LIMCH1: variants seen among roughly 807,000 people sequenced by gnomAD.
LIMCH1 encodes LIM and calponin homology domains-containing protein 1.
A neutral mutation model predicts 176.5 loss-of-function variants in LIMCH1; 113 were observed. The observed-to-expected ratio is 0.64, with a 90% CI of 0.55 to 0.75. The LOEUF (loss-of-function observed/expected upper bound fraction) is 0.75. LIMCH1 is among the 30% of genes least tolerant of loss of function. LIMCH1 has a pLI of 0.00. For synonymous variants in LIMCH1, 619 were observed against 645.9 expected (o/e 0.96, Z 0.63); for missense variants, 1,674 against 1,814.9 (o/e 0.92, Z 1.41).
chr4:41,463,759 A>G (rs1404998999), intron 1 of LIMCH1, among the ~76,000 whole-genome samples: 1 of 151,830 alleles, frequency 6.6e-6, no homozygotes, highest in Non-Finnish European at 1.5e-5. Flanking sequence ...TTGTGTTTTT[A>G]GTAGACATGG....
chr4:41,515,986 A>C (rs1012364874), intron 2 of LIMCH1, among the ~76,000 whole-genome samples: 7 of 152,252 alleles, frequency 4.6e-5, no homozygotes, highest in African/African-American at 1.2e-4. Flanking sequence ...ACAATCATTT[A>C]AACATAATTA....
chr4:41,622,539 A>C (rs760240828), intron 7 of LIMCH1, among the ~76,000 whole-genome samples: 11 of 152,178 alleles, frequency 7.2e-5, no homozygotes, highest in Non-Finnish European at 5.9e-5. Flanking sequence ...GCATTAAGCT[A>C]ATTCAGCACA....
intron 2 of LIMCH1, 124 bp downstream of exon 2, chr4:41,599,150 G>T: frequency 5.0e-6 from 3 of 599,484 alleles, no homozygotes; most frequent in South Asian, 2.3e-5. Context: ...AAAATGTGAA[G>T]GTAAAAATCA....
chr4:41,644,404 C>T, intron 14 of LIMCH1, 96 bp from the exon 15 acceptor site: 1 of 1,383,480 alleles, frequency 7.2e-7, no homozygotes. Flanking sequence ...GTTTTCCAAG[C>T]CCGGTAGCGC....
At chr4:41,412,515 G>A (rs923055932) in intron 1 of LIMCH1, among the ~76,000 whole-genome samples, 5 of 152,056 alleles carry the variant, frequency 3.3e-5, no homozygotes, top group Admixed American at 1.3e-4. Flanking sequence ...AAACTAAAAC[G>A]TTAATATTTA....
chr4:41,592,969 A>G (rs2087929932), intron 1 of LIMCH1, among the ~76,000 whole-genome samples: 1 of 152,244 alleles, frequency 6.6e-6, no homozygotes, highest in African/African-American at 2.4e-5. Flanking sequence ...AGATACCTAG[A>G]AGAGTACGTA....
At chr4:41,677,728 G>A (rs1712045545) in intron 23 of LIMCH1, among the ~76,000 whole-genome samples, 1 of 152,094 alleles carries the variant, frequency 6.6e-6, no homozygotes, top group African/African-American at 2.4e-5. Flanking sequence ...TAAGTTAATT[G>A]CCCAAGGTTA....
rs374705572 is a variant in LIMCH1, at chr4:41,689,655, C to G, written c.4275+20C>G. ...TTCAGGGTACGTACTTACTGCTTTG[C>G]TCTCCAGACACAACTTCATGATGTC... On this transcript the variant is annotated intron_variant, in intron 30 of 31. Transcript: ENST00000503057. The G allele has an allele frequency of 5.0e-6, 7 of 1,404,472 alleles. No individual in the cohort carries two copies. The highest frequency in any genetic ancestry group is 3.4e-5 in the Admixed American group (2 of 59,558). 87.0% of individuals were successfully genotyped at this position (1,404,472 alleles called of 1,614,324 possible). A position where few individuals can be genotyped will look rare whatever the true frequency, so the allele number is the denominator to read the frequency against.
intron 6 of LIMCH1, chr4:41,620,212 A>G (rs1352260255): frequency 1.2e-5 from 6 of 514,212 alleles, no homozygotes; most frequent in Non-Finnish European, 2.0e-5. Context: ...TTTCATTATC[A>G]AGTCTGGGAT....
chr4:41,642,721 AT>A lies in LIMCH1; in HGVS notation c.2127-1771del, dbSNP rs1310633295. Among the ~76,000 whole-genome samples, 11 of 91,584 alleles carry A rather than the reference AT, an allele frequency of 1.2e-4. 1 individual carries two copies. The highest frequency in any genetic ancestry group is 1.2e-3 in the East Asian group (5 of 4,306). The allele number at this position is 91,584 out of a possible 152,430, so 60.1% of individuals were successfully genotyped here. On this transcript the variant is annotated intron_variant, in intron 14 of 31. Transcript: ENST00000503057. ...CTATAGGCGTGTGCTAGCATGCCTAATTTTTTTTCTTTTTTCTTTTTTTTTT... is the reference window on the plus strand; with the variant it reads ...CTATAGGCGTGTGCTAGCATGCCTAATTTTTTTCTTTTTTCTTTTTTTTTT...
At chr4:41,685,914 A>C in intron 28 of LIMCH1, 84 bp downstream of exon 28, 1 of 1,433,312 alleles carries the variant, frequency 7.0e-7, no homozygotes, top group Non-Finnish European at 9.5e-7. Context: ...AAAATGTGAG[A>C]TGGCAAGAGG....
At chr4:41,558,595 C>T (rs1396787453) in intron 1 of LIMCH1, among the ~76,000 whole-genome samples, 1 of 152,126 alleles carries the variant, frequency 6.6e-6, no homozygotes, top group Non-Finnish European at 1.5e-5. Context: ...CTGAAGTCAG[C>T]CTTGGAGACC....
Position 41,514,005 on chromosome 4 carries a change from T to TAAAAAAAA in LIMCH1, c.168-10369_168-10362dup, listed in dbSNP as rs71198665. On this transcript the variant is annotated intron_variant, in intron 2 of 26. Transcript: ENST00000313860. ...TGGGTGATAGAGAGAGACTCCGTCT[T>TAAAAAAAA]AAAAAAAAAAAAAAAAAAAAAAAAA... 2.0e-3 allele frequency among the ~76,000 whole-genome samples: 97 copies of TAAAAAAAA among 48,518 alleles called. 2 individuals carry two copies. Among genetic ancestry groups the TAAAAAAAA allele is most frequent in the East Asian group, 5.1e-3 (5 of 976 alleles). 31.8% of individuals were successfully genotyped at this position (48,518 alleles called of 152,430 possible). A position where few individuals can be genotyped will look rare whatever the true frequency, so the allele number is the denominator to read the frequency against.
At chr4:41,624,424 G>A (rs769431312) in intron 7 of LIMCH1, among the ~76,000 whole-genome samples, 5 of 151,948 alleles carry the variant, frequency 3.3e-5, no homozygotes, top group African/African-American at 4.8e-5. Flanking sequence ...ACCAAACGCC[G>A]GTTCACCGTG....
chr4:41,677,778 C>CT (rs1258657434), intron 23 of LIMCH1, among the ~76,000 whole-genome samples: 11 of 152,290 alleles, frequency 7.2e-5, no homozygotes, highest in Admixed American at 7.2e-4. Context: ...AAATCCAAGT[C>CT]TGGATGACTT....
intron 2 of LIMCH1, among the ~76,000 whole-genome samples, chr4:41,501,672 G>A (rs2073294334): frequency 6.6e-6 from 1 of 152,038 alleles, no homozygotes; most frequent in South Asian, 2.1e-4. Context: ...AAGTATAAAT[G>A]AAAGTAACTG....
chr4:41,586,991 C>T (rs1561839726), intron 1 of LIMCH1, among the ~76,000 whole-genome samples: 1 of 152,158 alleles, frequency 6.6e-6, no homozygotes. Context: ...CAAAGCTCTT[C>T]CAAGCAGAGT....
At chr4:41,650,825 G>A (rs1042418515) in intron 18 of LIMCH1, among the ~76,000 whole-genome samples, 1 of 152,010 alleles carries the variant, frequency 6.6e-6, no homozygotes, top group African/African-American at 2.4e-5. Flanking sequence ...GTGTTGGCAG[G>A]GTTGGCTCCC....
chr4:41,421,042 G>A (rs1045689657), intron 1 of LIMCH1, among the ~76,000 whole-genome samples: 1 of 152,188 alleles, frequency 6.6e-6, no homozygotes, highest in Admixed American at 6.5e-5. Context: ...CAACCTTGGG[G>A]GTTGTTAGGG....
Sources: gnomAD v4.1 joint callset for allele counts (sites outside exome capture counted in the v4.1 genomes callset) on GRCh38, gnomAD v4.1.1 for gene constraint, MANE v1.5 for transcripts, NCBI Gene and HGNC (gene_info 2026-07-23, HGNC 2026-07-21) for gene names.